QKI: variants seen among roughly 807,000 people sequenced by gnomAD.
The protein encoded by QKI is KH domain-containing RNA-binding protein QKI.
In QKI, 10 loss-of-function variants were observed where a neutral mutation model predicts 39.0. The observed-to-expected ratio is 0.26, with a 90% CI of 0.16 to 0.43. The LOEUF (loss-of-function observed/expected upper bound fraction) is 0.43, where lower values mean the gene tolerates loss of function less well. Among genes scored for constraint, QKI ranks in the 20% least tolerant of loss-of-function variants. QKI has a pLI of 1.00. For synonymous variants in QKI, 204 were observed against 155.4 expected (o/e 1.31, Z -2.33); for missense variants, 218 against 428.0 (o/e 0.51, Z 4.33).
chr6:163,429,227 A>T (rs894986585), intron 1 of QKI, among the ~76,000 whole-genome samples: 8 of 152,212 alleles, frequency 5.3e-5, no homozygotes, highest in African/African-American at 1.7e-4. Context: ...AAGAACTGTT[A>T]TAAAGAACTT....
At chr6:163,505,790 G>A (rs1225309077) in intron 3 of QKI, among the ~76,000 whole-genome samples, 1 of 152,178 alleles carries the variant, frequency 6.6e-6, no homozygotes, top group Non-Finnish European at 1.5e-5. Context: ...AATGAGTTAA[G>A]ACTTTGGGGA....
intron 3 of QKI, among the ~76,000 whole-genome samples, chr6:163,519,342 G>T (rs538969958): frequency 1.3e-5 from 2 of 152,178 alleles, no homozygotes; most frequent in Non-Finnish European, 2.9e-5. Flanking sequence ...GAGAAATTCA[G>T]GACAAAAGAG....
At chr6:163,566,050 A>T in intron 6 of QKI, 1 of 1,582,918 alleles carries the variant, frequency 6.3e-7, no homozygotes, top group Non-Finnish European at 8.6e-7. Context: ...CTCCGGGGGA[A>T]AAAAGCTTAG....
intron 2 of QKI, among the ~76,000 whole-genome samples, chr6:163,467,449 A>G (rs546493205): frequency 1.2e-4 from 19 of 152,350 alleles, no homozygotes; most frequent in African/African-American, 3.4e-4. Flanking sequence ...AATAAAAAAC[A>G]AAACAGTTAC....
At chr6:163,424,521 TC>T (rs536250140) in intron 1 of QKI, among the ~76,000 whole-genome samples, 15 of 152,224 alleles carry the variant, frequency 9.9e-5, no homozygotes, top group Non-Finnish European at 1.9e-4. Context: ...TCAAGCTTCT[TC>T]ATCTGTGAAT....
chr6:163,569,549 G>T (rs1405121036), intron 7 of QKI: 4 of 1,196,410 alleles, frequency 3.3e-6, no homozygotes, highest in Non-Finnish European at 4.2e-6. Flanking sequence ...ACCAAGTTTG[G>T]TGAAGCAGAA....
At chr6:163,421,333 C>T (rs184204282) in intron 1 of QKI, among the ~76,000 whole-genome samples, 141 of 152,288 alleles carry the variant, frequency 9.3e-4, no homozygotes, top group African/African-American at 3.2e-3. Context: ...CTTGTCAGTC[C>T]TTATACCAAA....
chr6:163,494,184 TA>T (rs555630554), intron 3 of QKI, among the ~76,000 whole-genome samples: 93 of 152,212 alleles, frequency 6.1e-4, no homozygotes, highest in African/African-American at 2.1e-3. Context: ...ATAATACAAA[TA>T]AAAAATATGG....
At chr6:163,505,872 G>T (rs558537190) in intron 3 of QKI, among the ~76,000 whole-genome samples, 13 of 152,138 alleles carry the variant, frequency 8.5e-5, no homozygotes, top group African/African-American at 2.9e-4. Flanking sequence ...GGTCAGGGGC[G>T]GAATTACATG....
chr6:163,477,345 A>C (rs1051633964), intron 2 of QKI, among the ~76,000 whole-genome samples: 4 of 152,102 alleles, frequency 2.6e-5, no homozygotes, highest in Admixed American at 2.0e-4. Context: ...TACTGTTTTC[A>C]TATTTGAGCT....
chr6:163,477,525 A>G (rs748913225), intron 2 of QKI, among the ~76,000 whole-genome samples: 1 of 152,210 alleles, frequency 6.6e-6, no homozygotes, highest in African/African-American at 2.4e-5. Flanking sequence ...GTAAAGAGGT[A>G]AAATTACTAT....
At chr6:163,558,642 G>T (rs1782802150) in intron 4 of QKI, among the ~76,000 whole-genome samples, 1 of 151,840 alleles carries the variant, frequency 6.6e-6, no homozygotes, top group Admixed American at 6.6e-5. Context: ...TTCATGATCT[G>T]CCCACCTCAG....
At chr6:163,530,362 A>G (rs541368788) in intron 3 of QKI, among the ~76,000 whole-genome samples, 10 of 152,234 alleles carry the variant, frequency 6.6e-5, no homozygotes, top group South Asian at 2.1e-4. Flanking sequence ...GATTCTTACT[A>G]TGGATATTTT....
At chr6:163,471,309 A>G (rs1792167438) in intron 2 of QKI, among the ~76,000 whole-genome samples, 1 of 152,158 alleles carries the variant, frequency 6.6e-6, no homozygotes, top group Non-Finnish European at 1.5e-5. Context: ...TTACTAGAAG[A>G]CGTTCACTAA....
intron 1 of QKI, among the ~76,000 whole-genome samples, chr6:163,451,478 A>AT (rs1409598751): frequency 6.6e-6 from 1 of 152,158 alleles, no homozygotes; most frequent in Non-Finnish European, 1.5e-5. Context: ...AATTTTTCCA[A>AT]TGTTTATGGG....
chr6:163,544,042 G>A (rs1781712162), intron 4 of QKI, among the ~76,000 whole-genome samples: 1 of 151,854 alleles, frequency 6.6e-6, no homozygotes, highest in South Asian at 2.1e-4. Context: ...AAGCCCTTTT[G>A]GAAAATAAAT....
chr6:163,437,103 A>T (rs1033924921), intron 1 of QKI, among the ~76,000 whole-genome samples: 6 of 152,192 alleles, frequency 3.9e-5, no homozygotes, highest in African/African-American at 1.4e-4. Context: ...GCAAGTTGAG[A>T]ATTCAGAGGT....
intron 3 of QKI, among the ~76,000 whole-genome samples, chr6:163,481,265 A>G (rs902549736): frequency 6.6e-6 from 1 of 152,198 alleles, no homozygotes; most frequent in Non-Finnish European, 1.5e-5. Flanking sequence ...GTGTGCGTAT[A>G]TATATAATGT....
Position 163,563,491 on chromosome 6 carries a change from C to T in QKI, c.706C>T (p.Leu236Phe). Residue 236 changes from leucine (L) to phenylalanine (F), a missense_variant, in exon 6 of 8, where the codon CTC becomes TTC. By Grantham distance (22) the Leu-to-Phe change is conservative (BLOSUM62 0). This residue lies in a region of QKI where 117 missense variants were observed against 186.0 expected (regional missense o/e 0.63). Coordinates refer to ENST00000361752, the MANE Select transcript of QKI (RefSeq NM_006775.3). ...GATCATTACTGGGCCTGCGCCGGTT[C>T]TCCCACCAGCTGCCCTGCGTACTCC... is the stretch of plus-strand genomic sequence containing the variant. The part of the protein sequence containing the change: ...PRIITGPAPV[L>F]PPAALRTPTP... The T allele has an allele frequency of 6.2e-7, 1 of 1,614,174 alleles. No individual in the cohort carries two copies. The highest frequency in any genetic ancestry group is 1.1e-5 in the South Asian group (1 of 91,080).
Sources: allele counts gnomAD v4.1 joint callset (sites outside exome capture counted in the v4.1 genomes callset), GRCh38; gene constraint gnomAD v4.1.1; regional missense constraint gnomAD v4.1.1; transcripts MANE v1.5; gene names NCBI Gene and HGNC (gene_info 2026-07-23, HGNC 2026-07-21).